The following CRPPA variants were observed in gnomAD, a reference collection of about 807,000 sequenced individuals.
CRPPA encodes CDP-L-ribitol pyrophosphorylase A.
A neutral mutation model predicts 52.0 loss-of-function variants in CRPPA; 43 were observed. The observed-to-expected ratio is 0.83, with a 90% CI of 0.65 to 1.07. The LOEUF (loss-of-function observed/expected upper bound fraction) is 1.07. Among genes scored for constraint, CRPPA ranks in the 50% least tolerant of loss-of-function variants. CRPPA has a pLI of 0.00. For missense variants in CRPPA, 629 were observed against 551.7 expected, an observed-to-expected ratio of 1.14 and a Z score of -1.40; for synonymous variants, 250 against 203.5, an observed-to-expected ratio of 1.23 and a Z score of -1.94.
At chr7:16,354,845 T>C (rs943316928) in intron 3 of CRPPA, among the ~76,000 whole-genome samples, 1 of 152,130 alleles carries the variant, frequency 6.6e-6, no homozygotes, top group African/African-American at 2.4e-5. Flanking sequence ...TCAAATACAT[T>C]TATTCCCCTA....
At chr7:16,156,155 T>G (rs1783177255) in intron 9 of CRPPA, among the ~76,000 whole-genome samples, 1 of 150,892 alleles carries the variant, frequency 6.6e-6, no homozygotes, top group African/African-American at 2.4e-5. Flanking sequence ...AATTACACTA[T>G]CTAGAATCTT....
intron 3 of CRPPA, among the ~76,000 whole-genome samples, chr7:16,372,609 C>G (rs1479458331): frequency 6.6e-6 from 1 of 152,112 alleles, no homozygotes; most frequent in Non-Finnish European, 1.5e-5. Context: ...ATAAACCTCA[C>G]AGGGTCTATA....
intron 5 of CRPPA, among the ~76,000 whole-genome samples, chr7:16,279,816 T>A (rs1784284455): frequency 6.6e-6 from 1 of 152,186 alleles, no homozygotes; most frequent in Admixed American, 6.5e-5. Flanking sequence ...ACCAAGAGAA[T>A]TACTTGAAAG....
intron 3 of CRPPA, among the ~76,000 whole-genome samples, chr7:16,327,385 G>A (rs557407797): frequency 5.9e-5 from 9 of 152,096 alleles, no homozygotes; most frequent in African/African-American, 2.2e-4. Flanking sequence ...GAGGTCAGGA[G>A]ATCGAGACCA....
At chr7:16,404,681 T>C (rs1384934669) in intron 2 of CRPPA, among the ~76,000 whole-genome samples, 1 of 152,092 alleles carries the variant, frequency 6.6e-6, no homozygotes, top group Non-Finnish European at 1.5e-5. Flanking sequence ...CCAAATTGTA[T>C]TGTCATCCCT....
chr7:16,164,533 C>A (rs1467849324), intron 9 of CRPPA, among the ~76,000 whole-genome samples: 1 of 152,192 alleles, frequency 6.6e-6, no homozygotes, highest in Admixed American at 6.5e-5. Flanking sequence ...CATTCTCCGT[C>A]CAGTTTTGTT....
chr7:16,154,344 T>C (rs905109197), intron 9 of CRPPA, among the ~76,000 whole-genome samples: 2 of 152,074 alleles, frequency 1.3e-5, no homozygotes, highest in Non-Finnish European at 2.9e-5. Context: ...GTTCCCTTCC[T>C]CACCTCCAAC....
intron 9 of CRPPA, among the ~76,000 whole-genome samples, chr7:16,178,842 G>A (rs1176970949): frequency 6.6e-6 from 1 of 151,972 alleles, no homozygotes; most frequent in African/African-American, 2.4e-5. Context: ...TGTATTAATT[G>A]TGTCTTTATT....
In CRPPA at chr7:16,247,069, A is replaced by C. The variant is rs544744266; in HGVS notation, c.1119+11321T>G. Among the ~76,000 whole-genome samples the C allele has an allele frequency of 7.9e-5, 12 of 152,222 alleles. 1 individual carries two copies. Among genetic ancestry groups the C allele is most frequent in the Admixed American group, 7.2e-4 (11 of 15,286 alleles). On this transcript the variant is annotated intron_variant, in intron 8 of 9. Transcript: ENST00000407010. ...TCATTTAGCATTGCTATGTTCATCA[A>C]TTATCTCAGCTAGATCTTCTGGATA...
chr7:16,089,346 A>G lies in CRPPA; in HGVS notation c.*2349T>C, dbSNP rs944677278. 70 of 373,720 alleles carry G rather than the reference A, an allele frequency of 1.9e-4. No individual in the cohort carries two copies. Among genetic ancestry groups the G allele is most frequent in the Non-Finnish European group, 3.1e-4 (54 of 175,298 alleles). The allele number at this position is 373,720 out of a possible 1,614,324, so 23.2% of individuals were successfully genotyped here. A position where few individuals can be genotyped will look rare whatever the true frequency, so the allele number is the denominator to read the frequency against. On this transcript the variant is annotated 3_prime_UTR_variant, in exon 10 of 10. Coordinates refer to ENST00000407010, the MANE Select transcript of CRPPA (RefSeq NM_001101426.4). Reference sequence around the variant, plus strand: ...TATATAAATATATGTGTGTATGCGTACGTATATACATACATACATGCATGT... The same window carrying G: ...TATATAAATATATGTGTGTATGCGTGCGTATATACATACATACATGCATGT...
chr7:16,204,361 G>A (rs1781922134), intron 9 of CRPPA, among the ~76,000 whole-genome samples: 2 of 152,040 alleles, frequency 1.3e-5, no homozygotes, highest in South Asian at 4.1e-4. Flanking sequence ...CATCTTAAGT[G>A]AAACAACTCA....
chr7:16,367,764 T>G (rs1786641644), intron 3 of CRPPA, among the ~76,000 whole-genome samples: 1 of 152,172 alleles, frequency 6.6e-6, no homozygotes, highest in Admixed American at 6.5e-5. Context: ...TACCCACAGA[T>G]AAGCGACGGG....
intron 2 of CRPPA, among the ~76,000 whole-genome samples, chr7:16,402,905 G>C (rs987479181): frequency 6.6e-5 from 10 of 151,958 alleles, no homozygotes; most frequent in Non-Finnish European, 1.3e-4. Flanking sequence ...GATTTTTCTA[G>C]AATAAAAATA....
chr7:16,209,448 G>A (rs556444384), intron 9 of CRPPA, among the ~76,000 whole-genome samples: 7 of 151,706 alleles, frequency 4.6e-5, no homozygotes, highest in Admixed American at 1.3e-4. Context: ...ATTTTTGTAC[G>A]TTTAGTAGAG....
At chr7:16,193,254 T>A (rs1023048895) in intron 9 of CRPPA, among the ~76,000 whole-genome samples, 1 of 152,124 alleles carries the variant, frequency 6.6e-6, no homozygotes, top group African/African-American at 2.4e-5. Context: ...TGAACATTTC[T>A]CTACACTTAT....
intron 5 of CRPPA, among the ~76,000 whole-genome samples, chr7:16,278,612 G>A (rs1784258506): frequency 6.6e-6 from 1 of 152,102 alleles, no homozygotes; most frequent in Admixed American, 6.5e-5. Context: ...CACTCTTTAG[G>A]CCATAGGTTA....
chr7:16,295,292 A>G (rs561091569), intron 5 of CRPPA, among the ~76,000 whole-genome samples: 1 of 152,230 alleles, frequency 6.6e-6, no homozygotes, highest in South Asian at 2.1e-4. Context: ...AATTTCAGAG[A>G]AAATCAATTC....
chr7:16,188,518 G>C (rs1368095160), intron 9 of CRPPA, among the ~76,000 whole-genome samples: 1 of 152,108 alleles, frequency 6.6e-6, no homozygotes, highest in African/African-American at 2.4e-5. Context: ...AAATCAGACT[G>C]GCTTGGGATT....
chr7:16,336,432 T>C (rs887680708), intron 3 of CRPPA, among the ~76,000 whole-genome samples: 4 of 151,738 alleles, frequency 2.6e-5, no homozygotes, highest in African/African-American at 9.7e-5. Context: ...AGGCCTAGTA[T>C]AAAAATATTT....
Sources: allele counts gnomAD v4.1 joint callset (sites outside exome capture counted in the v4.1 genomes callset), GRCh38; gene constraint gnomAD v4.1.1; transcripts MANE v1.5; gene names NCBI Gene and HGNC (gene_info 2026-07-23, HGNC 2026-07-21).